The following AOPEP variants were observed in gnomAD, a reference collection of about 807,000 sequenced individuals.
The protein encoded by AOPEP is aminopeptidase O.
AOPEP carries 77 observed loss-of-function variants against 98.1 expected under a neutral mutation model. The observed-to-expected ratio is 0.78, with a 90% CI of 0.65 to 0.95. The LOEUF (loss-of-function observed/expected upper bound fraction) is 0.95. AOPEP is among the 40% of genes least tolerant of loss of function. The pLI is 0.00. For synonymous variants in AOPEP, 346 were observed against 365.3 expected (o/e 0.95, Z 0.60); for missense variants, 1,024 against 1,024.7 (o/e 1.00, Z 0.01).
chr9:95,145,096 T>C, the AOPEP span, among the ~76,000 whole-genome samples: 1 of 152,264 alleles, frequency 6.6e-6, no homozygotes, highest in Non-Finnish European at 1.5e-5. Flanking sequence ...TCCTGGATTA[T>C]AACCTTTCAT....
At chr9:94,945,676 T>C (rs766513086) in intron 7 of AOPEP, among the ~76,000 whole-genome samples, 10 of 152,196 alleles carry the variant, frequency 6.6e-5, no homozygotes, top group Non-Finnish European at 1.0e-4. Flanking sequence ...CTGCTCCTCG[T>C]TGAGTCATCA....
intron 13 of AOPEP, among the ~76,000 whole-genome samples, chr9:95,011,503 A>G (rs146048818): frequency 6.6e-6 from 1 of 152,076 alleles, no homozygotes; most frequent in African/African-American, 2.4e-5. Flanking sequence ...CGCACAGCTG[A>G]TGTATTTTTT....
Position 95,010,719 on chromosome 9 carries a change from C to T in AOPEP, c.2115+5103C>T, listed in dbSNP as rs559017548. Among the ~76,000 whole-genome samples, 31 of 152,300 alleles carry T rather than the reference C, an allele frequency of 2.0e-4. No individual in the cohort carries two copies. In the South Asian group the frequency reaches 3.1e-3, roughly 15 times the overall value. On this transcript the variant is annotated intron_variant, in intron 13 of 16. Transcript: ENST00000375315. Reference sequence around the variant, plus strand: ...ACGGCTCTTGAAGCACCAGCCTACCCGTTTTCCCTCCCTTCATCCCTTCCT... The same window carrying T: ...ACGGCTCTTGAAGCACCAGCCTACCTGTTTTCCCTCCCTTCATCCCTTCCT...
intron 3 of AOPEP, among the ~76,000 whole-genome samples, chr9:94,784,376 T>G (rs1032661154): frequency 6.6e-6 from 1 of 152,222 alleles, no homozygotes; most frequent in African/African-American, 2.4e-5. Context: ...GAAAAATGAT[T>G]ATCTCAGCTA....
downstream of AOPEP, among the ~76,000 whole-genome samples, chr9:95,088,507 C>CCTCTCTCTCT (rs59531935): frequency 6.7e-6 from 1 of 148,970 alleles, no homozygotes; most frequent in Non-Finnish European, 1.5e-5. Flanking sequence ...CTGTACCCGG[C>CCTCTCTCTCT]CTCTCTCTCT....
chr9:94,981,730 A>T (rs943270861), intron 11 of AOPEP, among the ~76,000 whole-genome samples: 4 of 152,120 alleles, frequency 2.6e-5, no homozygotes, highest in Admixed American at 2.6e-4. Context: ...ATATAAAGTT[A>T]CTAGGATGCT....
intron 14 of AOPEP, among the ~76,000 whole-genome samples, chr9:95,079,978 A>G (rs1015620676): frequency 1.3e-5 from 2 of 152,186 alleles, no homozygotes; most frequent in African/African-American, 2.4e-5. Flanking sequence ...GTTTGTTACA[A>G]ATCAGCAGCA....
At chr9:94,838,049 C>G (rs994774420) in intron 5 of AOPEP, among the ~76,000 whole-genome samples, 4 of 152,056 alleles carry the variant, frequency 2.6e-5, no homozygotes, top group African/African-American at 9.7e-5. Flanking sequence ...TGCTCTGTCT[C>G]CCAGGCTGGA....
At chr9:95,127,745 C>A in the AOPEP span, among the ~76,000 whole-genome samples, 1 of 152,234 alleles carries the variant, frequency 6.6e-6, no homozygotes, top group Admixed American at 6.5e-5. Context: ...CTGCTCCGGC[C>A]GTGCCCTGGA....
At chr9:95,035,935 A>G (rs2064779543) in intron 13 of AOPEP, among the ~76,000 whole-genome samples, 1 of 151,962 alleles carries the variant, frequency 6.6e-6, no homozygotes, top group South Asian at 2.1e-4. Context: ...CTCCTACCAC[A>G]TGCTTTCAGA....
intron 11 of AOPEP, among the ~76,000 whole-genome samples, chr9:95,001,101 A>G (rs963697222): frequency 6.6e-6 from 1 of 152,122 alleles, no homozygotes; most frequent in Non-Finnish European, 1.5e-5. Flanking sequence ...CCCTCCATGA[A>G]GTAGAAGCAG....
intron 5 of AOPEP, among the ~76,000 whole-genome samples, chr9:94,825,206 A>G (rs1486913404): frequency 6.6e-6 from 1 of 152,208 alleles, no homozygotes; most frequent in Non-Finnish European, 1.5e-5. Flanking sequence ...CTCAATTTAC[A>G]AATCCTACTG....
the AOPEP span, among the ~76,000 whole-genome samples, chr9:95,108,048 T>C: frequency 6.6e-6 from 1 of 152,200 alleles, no homozygotes; most frequent in Non-Finnish European, 1.5e-5. Flanking sequence ...CACATGGAAC[T>C]CGTGAACAGC....
chr9:94,964,062 A>T (rs549432110), intron 9 of AOPEP, among the ~76,000 whole-genome samples: 1 of 152,244 alleles, frequency 6.6e-6, no homozygotes, highest in Admixed American at 6.5e-5. Context: ...GAGACCAGCT[A>T]TCTTGAATGG....
At chr9:95,148,142 T>C in the AOPEP span, among the ~76,000 whole-genome samples, 1 of 152,152 alleles carries the variant, frequency 6.6e-6, no homozygotes, top group African/African-American at 2.4e-5. Context: ...TTTTCACATA[T>C]GAATGTCTGA....
At chr9:94,952,558 G>A (rs1387696368) in intron 7 of AOPEP, among the ~76,000 whole-genome samples, 1 of 152,198 alleles carries the variant, frequency 6.6e-6, no homozygotes, top group East Asian at 1.9e-4. Flanking sequence ...TTCTTTGGCT[G>A]ACCTGTGAGA....
At chr9:94,839,968 A>T (rs1249200880) in intron 5 of AOPEP, among the ~76,000 whole-genome samples, 1 of 152,096 alleles carries the variant, frequency 6.6e-6, no homozygotes, top group Non-Finnish European at 1.5e-5. Context: ...GTGCCTTGCT[A>T]TGTTGTCCAA....
chr9:94,734,177 C>G (rs568808892), intron 1 of AOPEP, among the ~76,000 whole-genome samples: 3 of 152,248 alleles, frequency 2.0e-5, no homozygotes, highest in Admixed American at 6.5e-5. Context: ...GCTGCAGCGC[C>G]GGGAACATGA....
intron 7 of AOPEP, chr9:94,935,136 TAGTG>T (rs2056057956): frequency 1.3e-5 from 2 of 152,180 alleles, no homozygotes; most frequent in Non-Finnish European, 2.9e-5. Flanking sequence ...GTGGTCACAA[TAGTG>T]AGTGAGTTCT....
Sources: allele counts gnomAD v4.1 joint callset (sites outside exome capture counted in the v4.1 genomes callset), GRCh38; gene constraint gnomAD v4.1.1; transcripts MANE v1.5; gene names NCBI Gene and HGNC (gene_info 2026-07-23, HGNC 2026-07-21).